Variants in ARPC1A observed in about 807,000 individuals in gnomAD.
ARPC1A encodes actin related protein 2/3 complex subunit 1A.
ARPC1A carries 8 observed loss-of-function variants against 46.9 expected under a neutral mutation model. The ratio of observed to expected loss-of-function variants is 0.17; its 90% CI spans 0.10 to 0.31. The LOEUF (loss-of-function observed/expected upper bound fraction) is 0.31, where lower values mean the gene tolerates loss of function less well. Ranked by LOEUF, ARPC1A falls within the 10% of genes least tolerant of loss-of-function variation. The probability of loss-of-function intolerance (pLI) is 1.00; values close to 1 mark genes in which losing one functional copy is unlikely to be tolerated. For synonymous variants in ARPC1A, 152 were observed against 169.0 expected (o/e 0.90, Z 0.78); for missense variants, 286 against 483.6 (o/e 0.59, Z 3.83).
chr7:99,348,642 C>G (rs1395421045), intron 4 of ARPC1A, among the ~76,000 whole-genome samples: 4 of 152,190 alleles, frequency 2.6e-5, no homozygotes, highest in African/African-American at 9.6e-5. Flanking sequence ...ACGTTGAATG[C>G]TCTGTTACTT....
At position 99,354,008 on chromosome 7, in the gene ARPC1A, C is replaced by T. The variant is rs758625084; in HGVS notation, c.600C>T (p.Gly200=). 4 of 1,613,896 alleles carry T rather than the reference C, an allele frequency of 2.5e-6. No individual in the cohort carries two copies. The African/African-American group carries it at 5.3e-5, about 22-fold the overall frequency. ...GGCAGCTGATGTCAGAGTTTGGTGG[C>T]AGTGGCACTGGTGGCTGGGTCCACG... ...PFGQLMSEFG[G]SGTGGWVHGV... The change falls in exon 6 of 10, where the codon GGC becomes GGT. Residue 200 remains glycine (G), a synonymous_variant. Coordinates refer to ENST00000262942, the MANE Select transcript of ARPC1A (RefSeq NM_006409.4).
intron 3 of ARPC1A, among the ~76,000 whole-genome samples, chr7:99,342,852 A>C (rs964230778): frequency 4.0e-5 from 6 of 149,620 alleles, no homozygotes; most frequent in African/African-American, 7.4e-5. Context: ...CCTCCTAAGT[A>C]GCTGGGACTA....
intron 8 of ARPC1A, among the ~76,000 whole-genome samples, chr7:99,361,681 A>G (rs1217808741): frequency 6.6e-6 from 1 of 152,214 alleles, no homozygotes; most frequent in Non-Finnish European, 1.5e-5. Context: ...TGACACTTCT[A>G]GATGAAAAAT....
chr7:99,341,434 C>T (rs1023634094), intron 3 of ARPC1A, among the ~76,000 whole-genome samples: 1 of 151,768 alleles, frequency 6.6e-6, no homozygotes, highest in Admixed American at 6.6e-5. Context: ...ATGGAGAAAC[C>T]CCATTTCTAC....
At chr7:99,349,521 A>G (rs1056733621) in intron 5 of ARPC1A, among the ~76,000 whole-genome samples, 1 of 151,678 alleles carries the variant, frequency 6.6e-6, no homozygotes. Flanking sequence ...CTTGGCCAAC[A>G]TGGTGAAACC....
chr7:99,357,297 C>G (rs1317838291), intron 6 of ARPC1A, among the ~76,000 whole-genome samples: 1 of 152,076 alleles, frequency 6.6e-6, no homozygotes. Flanking sequence ...TAAGATGACA[C>G]ATTAGTTCTT....
Position 99,344,920 on chromosome 7 carries a change from C to CTT in ARPC1A, c.392+433_392+434dup, listed in dbSNP as rs1172071932. On this transcript the variant is annotated intron_variant, in intron 4 of 9. Transcript: ENST00000262942. ...TAGGATTCCTACAGATAACAATGTTCTTTTTTTTTTTTTTTTTTTTTTTTT... is the reference window on the plus strand; with the variant it reads ...TAGGATTCCTACAGATAACAATGTTCTTTTTTTTTTTTTTTTTTTTTTTTTTT... Among the ~76,000 whole-genome samples, 111 of 20,110 alleles carry CTT rather than the reference C, an allele frequency of 5.5e-3. 32 individuals are homozygous for CTT. The highest frequency in any genetic ancestry group is 0.01 in the African/African-American group (46 of 4,574). 13.2% of individuals were successfully genotyped at this position (20,110 alleles called of 152,430 possible).
intron 4 of ARPC1A, among the ~76,000 whole-genome samples, chr7:99,345,700 A>G (rs1456719100): frequency 6.6e-6 from 1 of 152,114 alleles, no homozygotes; most frequent in Non-Finnish European, 1.5e-5. Flanking sequence ...TGTGTTCAGC[A>G]TGACTGGTAA....
intron 4 of ARPC1A, 55 bp downstream of exon 4, chr7:99,344,570 G>A: frequency 6.5e-7 from 1 of 1,545,642 alleles, no homozygotes. Flanking sequence ...CATTTGCACT[G>A]CTGTGTGAGG....
chr7:99,339,006 A>G (rs145246288), intron 3 of ARPC1A, among the ~76,000 whole-genome samples: 18 of 152,338 alleles, frequency 1.2e-4, no homozygotes, highest in African/African-American at 3.6e-4. Flanking sequence ...ACAAAGTAAT[A>G]TAATAAACAC....
At chr7:99,353,841 C>T in intron 5 of ARPC1A, 68 bp from the exon 6 acceptor site, 2 of 1,463,756 alleles carry the variant, frequency 1.4e-6, no homozygotes, top group Non-Finnish European at 1.9e-6. Context: ...GTGGCAGCTG[C>T]CTATGGCCTG....
At position 99,345,699 on chromosome 7, in the gene ARPC1A, C is replaced by T. The variant is rs537154273; in HGVS notation, c.392+1184C>T. Among the ~76,000 whole-genome samples the T allele has an allele frequency of 8.5e-5, 13 of 152,180 alleles. No homozygotes were observed. In the South Asian group the frequency reaches 2.7e-3, roughly 32 times the overall value. On this transcript the variant is annotated intron_variant, in intron 4 of 9. Transcript: ENST00000262942. ...ATTTTTCTGTGTGGCATGTGTTCAG[C>T]ATGACTGGTAAATATCCTTCAACGT...
chr7:99,334,402 AACAC>A (rs1318628205), intron 2 of ARPC1A, among the ~76,000 whole-genome samples: 13 of 152,008 alleles, frequency 8.6e-5, no homozygotes, highest in Non-Finnish European at 2.9e-5. Flanking sequence ...AAATAATAAA[AACAC>A]AGAAAGAGCA....
rs1473337964 is a variant in ARPC1A at position 99,354,128 on chromosome 7, A to G, written c.713+7A>G. Reference sequence around the variant, plus strand: ...ATGCCTCAAAAAGTGTGCAGTGAGTATTTGCCTTTCATTTGGAAGGTGGGG... The same window carrying G: ...ATGCCTCAAAAAGTGTGCAGTGAGTGTTTGCCTTTCATTTGGAAGGTGGGG... On this transcript the variant is annotated splice_region_variant and intron_variant, in intron 6 of 9. Coordinates refer to ENST00000262942, the MANE Select transcript of ARPC1A (RefSeq NM_006409.4). 2 of 1,609,256 alleles carry G rather than the reference A, an allele frequency of 1.2e-6. No homozygotes were observed. The highest frequency in any genetic ancestry group is 2.2e-5 in the South Asian group (2 of 91,000).
intron 1 of ARPC1A, among the ~76,000 whole-genome samples, chr7:99,328,818 A>T (rs1793095986): frequency 6.6e-6 from 1 of 151,920 alleles, no homozygotes; most frequent in Non-Finnish European, 1.5e-5. Flanking sequence ...GGGCATAGTG[A>T]TGCATGCCTG....
At chr7:99,336,066 A>G (rs28655791) in intron 2 of ARPC1A, among the ~76,000 whole-genome samples, 15,110 of 152,194 alleles carry the variant, frequency 0.099, 1,958 homozygotes, top group African/African-American at 0.3. Flanking sequence ...TTCATAGCCA[A>G]CTTTCCTATA....
At chr7:99,358,536 CTTTTT>C (rs5886103) in intron 7 of ARPC1A, 121 bp downstream of exon 7, 833 of 318,872 alleles carry the variant, frequency 2.6e-3, no homozygotes, top group Middle Eastern at 4.9e-3. Flanking sequence ...ACAGAGCTCA[CTTTTT>C]TTTTTTTTTT....
chr7:99,363,817 G>C (rs1424819099), intron 9 of ARPC1A, among the ~76,000 whole-genome samples, 184 bp downstream of exon 9: 1 of 151,906 alleles, frequency 6.6e-6, no homozygotes, highest in Non-Finnish European at 1.5e-5. Flanking sequence ...TGGGACAGCA[G>C]GCATGCACCA....
At chr7:99,356,421 A>G (rs566458567) in intron 6 of ARPC1A, among the ~76,000 whole-genome samples, 7 of 150,808 alleles carry the variant, frequency 4.6e-5, no homozygotes, top group Non-Finnish European at 1.0e-4. Context: ...CATGGCCAAC[A>G]TGGAGAAACC....
Sources: gnomAD v4.1 joint callset for allele counts (sites outside exome capture counted in the v4.1 genomes callset) on GRCh38, gnomAD v4.1.1 for gene constraint, MANE v1.5 for transcripts, NCBI Gene and HGNC (gene_info 2026-07-23, HGNC 2026-07-21) for gene names.